COMMD10: variants seen among roughly 807,000 people sequenced by gnomAD.
COMMD10 encodes the protein COMM domain-containing protein 10.
A neutral mutation model predicts 28.9 loss-of-function variants in COMMD10; 33 were observed. The ratio of observed to expected loss-of-function variants is 1.14; its 90% CI spans 0.87 to 1.53. The LOEUF is 1.53. COMMD10 is among the 40% of genes most tolerant of loss of function. The probability of loss-of-function intolerance (pLI) is 0.00; values close to 1 mark genes in which losing one functional copy is unlikely to be tolerated. For synonymous variants in COMMD10, 110 were observed against 81.7 expected (o/e 1.35, Z -1.87); for missense variants, 310 against 233.4 (o/e 1.33, Z -2.14).
intron 1 of COMMD10, among the ~76,000 whole-genome samples, chr5:116,086,995 A>G (rs1375732811): frequency 6.6e-6 from 1 of 152,190 alleles, no homozygotes; most frequent in African/African-American, 2.4e-5. Context: ...TTACTGTTGT[A>G]ATAATAAATT....
At position 116,175,785 on chromosome 5, in the gene COMMD10, G is replaced by A. The variant is rs141077712; in HGVS notation, c.510+41607G>A. Among the ~76,000 whole-genome samples the A allele has an allele frequency of 1.2e-3, 182 of 152,246 alleles. 2 individuals carry two copies. The highest frequency in any genetic ancestry group is 4.3e-3 in the African/African-American group (180 of 41,546). On this transcript the variant is annotated intron_variant, in intron 5 of 6. Coordinates refer to ENST00000274458, the MANE Select transcript of COMMD10 (RefSeq NM_016144.4). ...ATAAGCCAGTCACAAAAGGACAAATGTGGTATGATTTTATTTTATGAGGTA... is the reference window on the plus strand; with the variant it reads ...ATAAGCCAGTCACAAAAGGACAAATATGGTATGATTTTATTTTATGAGGTA...
intron 5 of COMMD10, among the ~76,000 whole-genome samples, chr5:116,266,403 C>T (rs948285388): frequency 7.3e-5 from 11 of 151,344 alleles, no homozygotes; most frequent in East Asian, 3.9e-4. Flanking sequence ...AACTGAAATC[C>T]GCAGCGATGC....
chr5:116,128,702 G>C (rs1446998523), intron 4 of COMMD10, among the ~76,000 whole-genome samples: 5 of 151,862 alleles, frequency 3.3e-5, no homozygotes, highest in Non-Finnish European at 5.9e-5. Context: ...TATAGGTCTG[G>C]CAAATAATAT....
At chr5:116,115,571 C>T (rs1751206015) in intron 4 of COMMD10, among the ~76,000 whole-genome samples, 1 of 152,122 alleles carries the variant, frequency 6.6e-6, no homozygotes, top group Non-Finnish European at 1.5e-5. Context: ...GTTCTTCTAA[C>T]AGGGTTTTCT....
chr5:116,198,093 A>G (rs2112620221), intron 5 of COMMD10, among the ~76,000 whole-genome samples: 1 of 152,220 alleles, frequency 6.6e-6, no homozygotes, highest in Admixed American at 6.5e-5. Flanking sequence ...TTTAAACCTC[A>G]GTTTATAGCC....
chr5:116,213,847 A>G (rs1332534298), intron 5 of COMMD10, among the ~76,000 whole-genome samples: 1 of 152,138 alleles, frequency 6.6e-6, no homozygotes, highest in Non-Finnish European at 1.5e-5. Flanking sequence ...ATGATTTATG[A>G]AATTTTACTT....
intron 5 of COMMD10, among the ~76,000 whole-genome samples, chr5:116,227,747 A>G (rs1561676587): frequency 6.6e-6 from 1 of 152,044 alleles, no homozygotes; most frequent in East Asian, 1.9e-4. Context: ...TCAGTTTCTC[A>G]GCTTAGAAGC....
intron 4 of COMMD10, among the ~76,000 whole-genome samples, chr5:116,125,814 C>T (rs1751610328): frequency 1.3e-5 from 2 of 152,068 alleles, no homozygotes; most frequent in African/African-American, 4.8e-5. Flanking sequence ...GTCACTGATA[C>T]CCTTTCATAC....
chr5:116,198,693 A>T (rs540421152), intron 5 of COMMD10, among the ~76,000 whole-genome samples: 8 of 152,172 alleles, frequency 5.3e-5, no homozygotes, highest in African/African-American at 1.2e-4. Flanking sequence ...CAGAAGTGTC[A>T]TATACCTGGA....
chr5:116,145,334 A>AT (rs1308207171), intron 5 of COMMD10, among the ~76,000 whole-genome samples: 1 of 151,788 alleles, frequency 6.6e-6, no homozygotes, highest in Admixed American at 6.6e-5. Flanking sequence ...TTCTTCATCT[A>AT]TTTTTAATTG....
chr5:116,261,351 C>G (rs10043228), intron 5 of COMMD10, among the ~76,000 whole-genome samples: 2 of 151,650 alleles, frequency 1.3e-5, no homozygotes, highest in East Asian at 3.9e-4. Context: ...CCTAATCTTG[C>G]CTAGCGTAAT....
chr5:116,122,407 C>T (rs552679953), intron 4 of COMMD10, among the ~76,000 whole-genome samples: 17 of 152,196 alleles, frequency 1.1e-4, no homozygotes, highest in East Asian at 3.9e-4. Flanking sequence ...GTTTGAAGTC[C>T]GGTAACGTGA....
At chr5:116,088,692 C>G (rs938221983) in intron 2 of COMMD10, among the ~76,000 whole-genome samples, 8 of 152,210 alleles carry the variant, frequency 5.3e-5, no homozygotes, top group African/African-American at 1.2e-4. Flanking sequence ...TTTCCCTTGC[C>G]TATAAATGTC....
intron 5 of COMMD10, among the ~76,000 whole-genome samples, chr5:116,205,900 T>A (rs1193171787): frequency 6.6e-6 from 1 of 152,178 alleles, no homozygotes; most frequent in Non-Finnish European, 1.5e-5. Context: ...ATTCTCAGGG[T>A]TTCTTATTTC....
At chr5:116,108,120 G>A (rs1236805156) in intron 4 of COMMD10, among the ~76,000 whole-genome samples, 2 of 152,182 alleles carry the variant, frequency 1.3e-5, no homozygotes, top group African/African-American at 2.4e-5. Flanking sequence ...CTCCCACTGT[G>A]GGGTTTCTCC....
intron 5 of COMMD10, among the ~76,000 whole-genome samples, chr5:116,168,990 G>T (rs900206580): frequency 4.6e-5 from 7 of 151,684 alleles, no homozygotes. Context: ...AGAGTAGAAC[G>T]AAAGGAGATA....
chr5:116,190,699 T>C (rs1393407073), intron 5 of COMMD10, among the ~76,000 whole-genome samples: 1 of 152,218 alleles, frequency 6.6e-6, no homozygotes, highest in African/African-American at 2.4e-5. Flanking sequence ...TAGTTACATA[T>C]AACTTTTGTA....
chr5:116,175,177 T>G (rs1753462549), intron 5 of COMMD10, among the ~76,000 whole-genome samples: 1 of 152,130 alleles, frequency 6.6e-6, no homozygotes, highest in Non-Finnish European at 1.5e-5. Flanking sequence ...GTCTCAGTTG[T>G]ATTTAATATA....
intron 5 of COMMD10, among the ~76,000 whole-genome samples, chr5:116,220,348 T>A (rs1171568813): frequency 6.6e-6 from 1 of 152,162 alleles, no homozygotes; most frequent in African/African-American, 2.4e-5. Flanking sequence ...AGTAAAGGAA[T>A]TCTAAGCCCC....
Sources: gnomAD v4.1 joint callset for allele counts (sites outside exome capture counted in the v4.1 genomes callset) on GRCh38, gnomAD v4.1.1 for gene constraint, MANE v1.5 for transcripts, NCBI Gene and HGNC (gene_info 2026-07-23, HGNC 2026-07-21) for gene names.